The following TRPC5 variants were observed in gnomAD, a reference collection of about 807,000 sequenced individuals.
TRPC5 encodes the protein transient receptor potential cation channel subfamily C member 5, also known as short transient receptor potential channel 5.
Under a neutral mutation model 56.5 loss-of-function variants are expected in TRPC5, and 9 were observed. That is an observed-to-expected ratio of 0.16 (90% CI 0.10 to 0.28). The LOEUF (loss-of-function observed/expected upper bound fraction) is 0.28, where lower values mean the gene tolerates loss of function less well. TRPC5 is among the 10% of genes least tolerant of loss of function. The probability of loss-of-function intolerance (pLI) is 1.00; values close to 1 mark genes in which losing one functional copy is unlikely to be tolerated. For synonymous variants in TRPC5, 282 were observed against 278.5 expected, an observed-to-expected ratio of 1.01 and a Z score of -0.13; for missense variants, 469 against 748.9, an observed-to-expected ratio of 0.63 and a Z score of 4.36.
intron 6 of TRPC5, among the ~76,000 whole-genome samples, chrX:111,840,520 T>A (rs923278034): frequency 3.6e-5 from 4 of 112,465 alleles, no homozygotes; most frequent in Non-Finnish European, 7.5e-5. Flanking sequence ...ATATTTTTGA[T>A]CCACGGATGA....
intron 2 of TRPC5, among the ~76,000 whole-genome samples, chrX:111,920,804 G>A (rs367936494): frequency 2.2e-4 from 25 of 111,684 alleles, no homozygotes; most frequent in African/African-American, 7.8e-4. Flanking sequence ...CCACTGTACA[G>A]CTTGATTCCT....
At chrX:111,966,509 G>T (rs368731283) in intron 1 of TRPC5, among the ~76,000 whole-genome samples, 4 of 107,150 alleles carry the variant, frequency 3.7e-5, no homozygotes, top group East Asian at 3.0e-4. Context: ...TACCAAAGCC[G>T]GGCAGAGACA....
intron 7 of TRPC5, among the ~76,000 whole-genome samples, chrX:111,816,220 C>T (rs1921856111): frequency 8.9e-6 from 1 of 111,837 alleles, no homozygotes; most frequent in South Asian, 3.8e-4. Context: ...GTATTGGGTC[C>T]CTGAGACTGC....
In TRPC5 at chrX:112,036,202, G is replaced by T. The variant is rs921060904; in HGVS notation, c.-22+45677C>A. Among the ~76,000 whole-genome samples, 4 of 111,596 alleles carry T rather than the reference G, an allele frequency of 3.6e-5. No individual in the cohort carries two copies. The East Asian group carries it at 8.5e-4, about 24-fold the overall frequency. On this transcript the variant is annotated intron_variant, in intron 1 of 10. Coordinates refer to ENST00000262839, the MANE Select transcript of TRPC5 (RefSeq NM_012471.3). The stretch of plus-strand genomic sequence containing the variant: ...ATTTTGAATCTCCTAATTTCCCAAA[G>T]AAAATTTATGCCCAGATTTTTCTTC...
At chrX:111,810,077 G>A (rs1345859301) in intron 7 of TRPC5, among the ~76,000 whole-genome samples, 1 of 109,952 alleles carries the variant, frequency 9.1e-6, no homozygotes, top group Non-Finnish European at 1.9e-5. Flanking sequence ...ACCATGCCAG[G>A]CTAATTTTTG....
chrX:111,777,988 C>T (rs761534594), intron 10 of TRPC5, among the ~76,000 whole-genome samples: 25 of 112,498 alleles, frequency 2.2e-4, no homozygotes, highest in Non-Finnish European at 4.5e-4. Context: ...TCTTGCTCAC[C>T]ACTGTACCAG....
chrX:112,080,779 A>C (rs1048691745), intron 1 of TRPC5, among the ~76,000 whole-genome samples: 8 of 111,867 alleles, frequency 7.2e-5, no homozygotes, highest in Admixed American at 5.7e-4. Flanking sequence ...ACATCAAAAA[A>C]CCTATGACAC....
intron 1 of TRPC5, among the ~76,000 whole-genome samples, chrX:112,072,028 A>AT (rs1332654464): frequency 1.8e-5 from 2 of 112,047 alleles, no homozygotes; most frequent in Non-Finnish European, 3.8e-5. Context: ...CCTCTGAAAT[A>AT]TTGGTATTTT....
intron 1 of TRPC5, among the ~76,000 whole-genome samples, chrX:111,972,415 G>A (rs1193719032): frequency 8.9e-6 from 1 of 112,284 alleles, no homozygotes; most frequent in East Asian, 2.8e-4. Flanking sequence ...CGCATAGTAG[G>A]CATTGAGAGG....
intron 1 of TRPC5, among the ~76,000 whole-genome samples, chrX:112,014,577 G>A (rs1395878017): frequency 8.9e-6 from 1 of 112,061 alleles, no homozygotes; most frequent in East Asian, 2.8e-4. Context: ...AGCGATTGCT[G>A]CCAGCAAATC....
intron 7 of TRPC5, among the ~76,000 whole-genome samples, chrX:111,788,015 A>G (rs778339993): frequency 8.9e-6 from 1 of 112,200 alleles, no homozygotes; most frequent in Non-Finnish European, 1.9e-5. Context: ...TCCTTCTGAA[A>G]TTAATCCAAT....
At chrX:112,069,762 C>A (rs1373921450) in intron 1 of TRPC5, among the ~76,000 whole-genome samples, 2 of 111,603 alleles carry the variant, frequency 1.8e-5, no homozygotes, top group Non-Finnish European at 3.8e-5. Context: ...GTAACTTTAC[C>A]CCTGGAGTCT....
chrX:112,030,104 C>T (rs1332497543), intron 1 of TRPC5, among the ~76,000 whole-genome samples: 2 of 112,340 alleles, frequency 1.8e-5, no homozygotes, highest in South Asian at 3.7e-4. Flanking sequence ...GGATTACAGG[C>T]GTGAGCCACC....
At chrX:111,934,774 T>G (rs974503029) in intron 2 of TRPC5, among the ~76,000 whole-genome samples, 1 of 112,012 alleles carries the variant, frequency 8.9e-6, no homozygotes, top group African/African-American at 3.2e-5. Flanking sequence ...TCCAGCTCTA[T>G]CCAGGTAGTT....
In TRPC5 at chrX:112,022,355, T is replaced by C. The variant is rs1011588664; in HGVS notation, c.-22+59524A>G. Among the ~76,000 whole-genome samples, 3 of 112,186 alleles carry C rather than the reference T, an allele frequency of 2.7e-5. No individual in the cohort carries two copies. In the Admixed American group the frequency reaches 2.8e-4, roughly 11 times the overall value. The stretch of plus-strand genomic sequence containing the variant: ...AAGCTGATTTTTCATGTGTGTACCA[T>C]GATAGGCCAGAAGTCCTAGTTATCA... On this transcript the variant is annotated intron_variant, in intron 1 of 10. Transcript: ENST00000262839.
At chrX:111,916,391 C>T (rs7882790) in intron 2 of TRPC5, among the ~76,000 whole-genome samples, 1,506 of 111,734 alleles carry the variant, frequency 0.013, 26 homozygotes, top group African/African-American at 0.046. Context: ...CCATAGACTA[C>T]GGGTTTCTTT....
chrX:111,778,970 T>A lies in TRPC5; in HGVS notation c.2232+15A>T. The A allele has an allele frequency of 8.8e-7, 1 of 1,138,081 alleles. No individual in the cohort carries two copies. The allele number at this position is 1,138,081 out of a possible 1,213,427, so 93.8% of individuals were successfully genotyped here. ...ATGATATGTAAAATGAAAAACCACT[T>A]CATGATTAAATTACCTTAAAATTTT... On this transcript the variant is annotated intron_variant, in intron 10 of 10. Coordinates refer to ENST00000262839, the MANE Select transcript of TRPC5 (RefSeq NM_012471.3).
intron 1 of TRPC5, among the ~76,000 whole-genome samples, chrX:111,985,149 A>G (rs768124956): frequency 8.9e-6 from 1 of 112,315 alleles, no homozygotes; most frequent in Admixed American, 9.5e-5. Flanking sequence ...AGTAGAGGCA[A>G]TTCTAGTGGT....
intron 1 of TRPC5, among the ~76,000 whole-genome samples, chrX:112,023,263 T>G (rs868404786): frequency 0.011 from 1,120 of 100,394 alleles, 20 homozygotes; most frequent in African/African-American, 0.038. Context: ...TTTTTTTTTT[T>G]TTTTTTTTTT....
Sources: allele counts gnomAD v4.1 joint callset (sites outside exome capture counted in the v4.1 genomes callset), GRCh38; gene constraint gnomAD v4.1.1; transcripts MANE v1.5; gene names NCBI Gene and HGNC (gene_info 2026-07-23, HGNC 2026-07-21).